The following UROC1 variants were observed in gnomAD, a reference collection of about 807,000 sequenced individuals.
UROC1 encodes the protein urocanate hydratase.
In UROC1, 79 loss-of-function variants were observed where a neutral mutation model predicts 89.5. The observed-to-expected ratio is 0.88, with a 90% CI of 0.74 to 1.06. The LOEUF (loss-of-function observed/expected upper bound fraction) is 1.06, where lower values mean the gene tolerates loss of function less well. UROC1 is among the 50% of genes least tolerant of loss of function. The pLI is 0.00. For synonymous variants in UROC1, 361 were observed against 354.8 expected (o/e 1.02, Z -0.20); for missense variants, 885 against 907.8 (o/e 0.97, Z 0.32).
intron 6 of UROC1, among the ~76,000 whole-genome samples, chr3:126,506,503 T>C (rs1936063806): frequency 6.6e-6 from 1 of 151,988 alleles, no homozygotes; most frequent in Non-Finnish European, 1.5e-5. Context: ...GCAAGACAGA[T>C]TGGGAGGCAA....
intron 14 of UROC1, among the ~76,000 whole-genome samples, chr3:126,497,274 T>A (rs1159864195): frequency 6.6e-6 from 1 of 152,208 alleles, no homozygotes; most frequent in Non-Finnish European, 1.5e-5. Flanking sequence ...CCACCCGACC[T>A]GCAGGAAAGC....
Position 126,501,241 on chromosome 3 carries a change from G to T in UROC1, c.942C>A (p.Tyr314Ter), listed in dbSNP as rs570775584. ...RKKKEVLSLGYHGNVVALWER... is the reference protein window; with the variant it reads ...RKKKEVLSLG ...ACCAAAGAGCCACCACGTTGCCATG[G>T]TAACCAAGGCTGAGCACCTCCTTTT... Residue 314 changes from tyrosine (Y) to a stop codon, truncating the protein, a stop_gained, in exon 10 of 20, where the codon TAC becomes TAA. Transcript: ENST00000290868. LOFTEE classifies it high-confidence loss of function. The T allele has an allele frequency of 2.5e-6, 4 of 1,614,162 alleles. No individual in the cohort carries two copies. Among genetic ancestry groups the T allele is most frequent in the Non-Finnish European group, 3.4e-6 (4 of 1,180,014 alleles).
intron 1 of UROC1, among the ~76,000 whole-genome samples, chr3:126,514,595 G>C (rs1041770346): frequency 2.0e-5 from 3 of 152,056 alleles, no homozygotes; most frequent in Non-Finnish European, 2.9e-5. Flanking sequence ...TTCAAAGACA[G>C]GGCCCTCTAA....
At chr3:126,512,338 C>T (rs948155585) in intron 1 of UROC1, among the ~76,000 whole-genome samples, 1 of 152,252 alleles carries the variant, frequency 6.6e-6, no homozygotes, top group African/African-American at 2.4e-5. Flanking sequence ...TCCTGATGAC[C>T]ACGGAACAAT....
chr3:126,511,311 A>C (rs1446741933), intron 1 of UROC1, among the ~76,000 whole-genome samples: 1 of 151,946 alleles, frequency 6.6e-6, no homozygotes, highest in Non-Finnish European at 1.5e-5. Flanking sequence ...ATACACCCAT[A>C]CTCCATGCAA....
intron 15 of UROC1, among the ~76,000 whole-genome samples, chr3:126,495,715 A>G (rs1047139674): frequency 2.0e-5 from 3 of 152,208 alleles, no homozygotes; most frequent in Non-Finnish European, 2.9e-5. Context: ...GATTTTTTGC[A>G]GAAGCTTCCT....
intron 12 of UROC1, 98 bp downstream of exon 12, chr3:126,499,959 T>C (rs1348328711): frequency 1.1e-5 from 14 of 1,225,770 alleles, no homozygotes; most frequent in East Asian, 9.4e-5. Context: ...GGGCCACCCA[T>C]GGCACCTCCG....
At chr3:126,495,266 C>T (rs982161943) in intron 15 of UROC1, among the ~76,000 whole-genome samples, 1 of 152,146 alleles carries the variant, frequency 6.6e-6, no homozygotes, top group Non-Finnish European at 1.5e-5. Context: ...GGTATTAAGT[C>T]GATTCATAAT....
intron 2 of UROC1, among the ~76,000 whole-genome samples, chr3:126,509,883 C>T (rs1936157972): frequency 6.6e-6 from 1 of 152,250 alleles, no homozygotes; most frequent in Non-Finnish European, 1.5e-5. Context: ...CTCTCCCTCC[C>T]CACTTGGCAC....
chr3:126,492,330 A>G (rs541529837), intron 16 of UROC1, 88 bp downstream of exon 16: 22 of 1,286,436 alleles, frequency 1.7e-5, no homozygotes, highest in African/African-American at 1.5e-4. Flanking sequence ...TGTGGGGTGC[A>G]GCCGAGGCAC....
chr3:126,507,790 T>G lies in UROC1; in HGVS notation c.554A>C (p.Tyr185Ser). ...CTTCTCATACTCCGTCCGGGAGGAG[T>G]AGTTGGGAATGACCTGGAGAAGAGG... ...VITNGMVIPN[Y>S]SSRTEYEKLF... The change falls in exon 6 of 20, where the codon TAC becomes TCC. Residue 185 changes from tyrosine to serine, a missense_variant. By Grantham distance (144) the Tyr-to-Ser change is moderately radical. Coordinates refer to ENST00000290868, the MANE Select transcript of UROC1 (RefSeq NM_144639.3). 2.5e-6 allele frequency: 4 copies of G among 1,613,042 alleles called. No homozygotes were observed. In the Middle Eastern group the frequency reaches 4.9e-4, roughly 200 times the overall value.
chr3:126,490,545 T>G (rs1278176809), intron 16 of UROC1, among the ~76,000 whole-genome samples: 1 of 151,666 alleles, frequency 6.6e-6, no homozygotes, highest in Non-Finnish European at 1.5e-5. Flanking sequence ...ATTAGCCAGG[T>G]GTTGTGGTGC....
At chr3:126,505,637 A>AAAGG in intron 8 of UROC1, 64 bp downstream of exon 8, 3 of 1,508,364 alleles carry the variant, frequency 2.0e-6, no homozygotes, top group Non-Finnish European at 2.7e-6. Context: ...CGGGAGGAAG[A>AAAGG]AGGGAGGGAG....
intron 13 of UROC1, among the ~76,000 whole-genome samples, chr3:126,499,089 G>GC (rs1935848707): frequency 6.6e-6 from 1 of 151,840 alleles, no homozygotes; most frequent in Non-Finnish European, 1.5e-5. Context: ...AGGCCCCGCA[G>GC]CCCCCTGTTC....
Position 126,498,161 on chromosome 3 carries a change from G to A in UROC1, c.1328C>T (p.Ser443Phe), listed in dbSNP as rs758391330. The A allele has an allele frequency of 1.2e-6, 2 of 1,614,210 alleles. No individual in the cohort carries two copies. The highest frequency in any genetic ancestry group is 3.3e-5 in the Admixed American group (2 of 60,032). The change falls in exon 14 of 20, where the codon TCC (serine) becomes TTC (phenylalanine). Residue 443 changes from serine (S) to phenylalanine (F), a missense_variant. Transcript: ENST00000290868. ...YVQHIMGDIFSQGFGPFRWVC... is the reference protein window; with the variant it reads ...YVQHIMGDIFFQGFGPFRWVC... ...CCAGCGGAAAGGCCCAAATCCCTGGGAGAATATGTCCCTGCAAGCACAGAT... is the reference window on the plus strand; with the variant it reads ...CCAGCGGAAAGGCCCAAATCCCTGGAAGAATATGTCCCTGCAAGCACAGAT...
At position 126,505,974 on chromosome 3, in the gene UROC1, C is replaced by T. The variant is rs751617501; in HGVS notation, c.640G>A (p.Gly214Ser). ...QMTAGSYCYI[G>S]PQGIVHGTVL... ...GTGCCATGAACGATTCCCTGGGGAC[C>T]GATGTAGCAGTAGCTACCTGCTGTC... The change falls in exon 7 of 20, where the codon GGT (glycine) becomes AGT (serine). Residue 214 changes from glycine (G) to serine (S), a missense_variant. Gly to Ser is a moderately conservative substitution (Grantham distance 56). Transcript: ENST00000290868. 13 of 1,613,404 alleles carry T rather than the reference C, an allele frequency of 8.1e-6. No individual in the cohort carries two copies. Among genetic ancestry groups the T allele is most frequent in the Admixed American group, 5.0e-5 (3 of 59,990 alleles).
intron 18 of UROC1, 132 bp downstream of exon 18, chr3:126,488,066 C>T: frequency 1.0e-6 from 1 of 1,000,786 alleles, no homozygotes; most frequent in South Asian, 1.3e-5. Flanking sequence ...ACATTTTCCA[C>T]AAAGGTGAGG....
intron 1 of UROC1, among the ~76,000 whole-genome samples, chr3:126,516,689 AC>A (rs1297577624): frequency 5.2e-4 from 1 of 1,928 alleles, no homozygotes; most frequent in African/African-American, 2.9e-3. Flanking sequence ...ACTCCCCTCC[AC>A]CCCCACACCC....
At chr3:126,511,738 GC>G (rs1560128433) in intron 1 of UROC1, among the ~76,000 whole-genome samples, 1 of 152,210 alleles carries the variant, frequency 6.6e-6, no homozygotes, top group Non-Finnish European at 1.5e-5. Context: ...ACAAACTTGT[GC>G]CCTAAGCAAA....
Sources: gnomAD v4.1 joint callset for allele counts (sites outside exome capture counted in the v4.1 genomes callset) on GRCh38, gnomAD v4.1.1 for gene constraint, MANE v1.5 for transcripts, NCBI Gene and HGNC (gene_info 2026-07-23, HGNC 2026-07-21) for gene names.